The following CDC42SE2 variants were observed in gnomAD, a reference collection of about 807,000 sequenced individuals.
The protein encoded by CDC42SE2 is CDC42 small effector protein 2.
Under a neutral mutation model 11.5 loss-of-function variants are expected in CDC42SE2, and 3 were observed. The observed-to-expected ratio is 0.26, with a 90% CI of 0.12 to 0.67. CDC42SE2 has a LOEUF of 0.67. Ranked by LOEUF, CDC42SE2 falls within the 30% of genes least tolerant of loss-of-function variation. The pLI, the probability that CDC42SE2 is intolerant of heterozygous loss-of-function variation, is 0.80. For missense variants in CDC42SE2, 82 were observed against 106.8 expected (o/e 0.77, Z 1.02); for synonymous variants, 33 against 34.8 (o/e 0.95, Z 0.18).
At chr5:131,252,750 C>T (rs1756651454) in intron 1 of CDC42SE2, among the ~76,000 whole-genome samples, 1 of 152,172 alleles carries the variant, frequency 6.6e-6, no homozygotes, top group Non-Finnish European at 1.5e-5. Flanking sequence ...TTCCTCTAGC[C>T]CTGAACTCAT....
At chr5:131,350,228 A>G (rs936030492) in intron 2 of CDC42SE2, among the ~76,000 whole-genome samples, 1 of 151,998 alleles carries the variant, frequency 6.6e-6, no homozygotes, top group Non-Finnish European at 1.5e-5. Flanking sequence ...AGACATTTTT[A>G]AAAAAAGATT....
At chr5:131,301,959 T>C (rs1379813927) in intron 1 of CDC42SE2, among the ~76,000 whole-genome samples, 1 of 152,084 alleles carries the variant, frequency 6.6e-6, no homozygotes, top group Admixed American at 6.6e-5. Flanking sequence ...TTTCAAACCC[T>C]GAAGACAGTT....
chr5:131,210,204 C>A, the CDC42SE2 span, among the ~76,000 whole-genome samples: 1 of 152,192 alleles, frequency 6.6e-6, no homozygotes, highest in South Asian at 2.1e-4. Flanking sequence ...ATTACCCAGC[C>A]TCAGGTATTC....
At chr5:131,247,310 T>C (rs1014291043) in intron 1 of CDC42SE2, among the ~76,000 whole-genome samples, 5 of 152,194 alleles carry the variant, frequency 3.3e-5, no homozygotes, top group African/African-American at 1.2e-4. Context: ...ATAGAAATGC[T>C]GTATGATCAT....
chr5:131,260,432 G>A (rs1756714148), upstream of CDC42SE2, among the ~76,000 whole-genome samples: 1 of 152,200 alleles, frequency 6.6e-6, no homozygotes, highest in East Asian at 1.9e-4. Flanking sequence ...AGACCAGCCT[G>A]GCCGACATGG....
At chr5:131,266,469 T>C (rs975904003) in intron 1 of CDC42SE2, among the ~76,000 whole-genome samples, 1 of 150,270 alleles carries the variant, frequency 6.7e-6, no homozygotes, top group East Asian at 1.9e-4. Context: ...TCTTTTTTTT[T>C]TTTTTTTCGA....
chr5:131,248,419 G>A (rs1342489577), intron 1 of CDC42SE2, among the ~76,000 whole-genome samples: 2 of 152,152 alleles, frequency 1.3e-5, no homozygotes, highest in Non-Finnish European at 2.9e-5. Context: ...TCATAGGCAT[G>A]AGCCACCATG....
intron 2 of CDC42SE2, among the ~76,000 whole-genome samples, chr5:131,338,591 A>G (rs777638883): frequency 2.0e-5 from 3 of 152,214 alleles, no homozygotes; most frequent in Non-Finnish European, 4.4e-5. Flanking sequence ...TCTAAGCAAT[A>G]TATGTTTACT....
intron 1 of CDC42SE2, among the ~76,000 whole-genome samples, chr5:131,266,833 G>A (rs1180995667): frequency 6.6e-6 from 1 of 151,854 alleles, no homozygotes; most frequent in Non-Finnish European, 1.5e-5. Flanking sequence ...TTTCTCGGAA[G>A]AAGTTACCTG....
chr5:131,347,977 T>C (rs1030125542), intron 2 of CDC42SE2, among the ~76,000 whole-genome samples: 1 of 152,140 alleles, frequency 6.6e-6, no homozygotes, highest in South Asian at 2.1e-4. Flanking sequence ...ACAAACTAGG[T>C]ATTGATGGGA....
chr5:131,331,502 C>T (rs548253416), intron 2 of CDC42SE2, among the ~76,000 whole-genome samples: 58 of 152,060 alleles, frequency 3.8e-4, no homozygotes, highest in African/African-American at 1.3e-3. Context: ...AGGATAATAC[C>T]GCTTAGGATT....
chr5:131,353,530 C>T (rs1749421112), intron 2 of CDC42SE2, among the ~76,000 whole-genome samples: 1 of 152,192 alleles, frequency 6.6e-6, no homozygotes, highest in African/African-American at 2.4e-5. Context: ...AATCCTCCCA[C>T]TTTAGCCTCC....
At chr5:131,256,575 G>A (rs1756681547) in intron 2 of CDC42SE2, among the ~76,000 whole-genome samples, 1 of 152,206 alleles carries the variant, frequency 6.6e-6, no homozygotes, top group Admixed American at 6.5e-5. Flanking sequence ...GCAAGTCAGA[G>A]TTCTCATCTG....
At chr5:131,275,801 G>A (rs1757088722) in intron 1 of CDC42SE2, among the ~76,000 whole-genome samples, 1 of 151,730 alleles carries the variant, frequency 6.6e-6, no homozygotes. Flanking sequence ...CAGTTTTAGG[G>A]AGGGATTTTT....
intron 3 of CDC42SE2, among the ~76,000 whole-genome samples, chr5:131,378,739 T>C (rs1414482580): frequency 6.6e-6 from 1 of 152,258 alleles, no homozygotes; most frequent in East Asian, 1.9e-4. Context: ...GTTGGGATTA[T>C]ACAACTTCTC....
intron 2 of CDC42SE2, among the ~76,000 whole-genome samples, chr5:131,257,222 C>T (rs1756685435): frequency 6.6e-6 from 1 of 152,072 alleles, no homozygotes; most frequent in Non-Finnish European, 1.5e-5. Flanking sequence ...TCCAACTTCA[C>T]TTCCAATTTT....
chr5:131,348,844 C>T (rs1420612431), intron 2 of CDC42SE2, among the ~76,000 whole-genome samples: 1 of 152,184 alleles, frequency 6.6e-6, no homozygotes, highest in Non-Finnish European at 1.5e-5. Flanking sequence ...CACACATCTA[C>T]ACCCATCTGA....
intron 1 of CDC42SE2, among the ~76,000 whole-genome samples, chr5:131,300,886 A>G (rs929754326): frequency 1.3e-5 from 2 of 152,220 alleles, no homozygotes; most frequent in African/African-American, 2.4e-5. Flanking sequence ...CATATTGCAT[A>G]ATAAAATAGT....
chr5:131,224,318 A>G, the CDC42SE2 span, among the ~76,000 whole-genome samples: 11 of 152,304 alleles, frequency 7.2e-5, no homozygotes, highest in East Asian at 2.1e-3. Context: ...CTCAAACTGA[A>G]TAGATCTCAT....
Sources: allele counts gnomAD v4.1 joint callset (sites outside exome capture counted in the v4.1 genomes callset), GRCh38; gene constraint gnomAD v4.1.1; transcripts MANE v1.5; gene names NCBI Gene and HGNC (gene_info 2026-07-23, HGNC 2026-07-21).